HBS1L: variants seen among roughly 807,000 people sequenced by gnomAD.
The protein encoded by HBS1L is HBS1-like protein.
A neutral mutation model predicts 88.9 loss-of-function variants in HBS1L; 55 were observed. The observed-to-expected ratio is 0.62, with a 90% CI of 0.50 to 0.77. The LOEUF (loss-of-function observed/expected upper bound fraction) is 0.77, where lower values mean the gene tolerates loss of function less well. Ranked by LOEUF, HBS1L falls within the 30% of genes least tolerant of loss-of-function variation. The pLI, the probability that HBS1L is intolerant of heterozygous loss-of-function variation, is 0.00. For missense variants in HBS1L, 741 were observed against 829.3 expected, an observed-to-expected ratio of 0.89 and a Z score of 1.31; for synonymous variants, 267 against 288.5, an observed-to-expected ratio of 0.93 and a Z score of 0.76.
rs567472936 is a variant in HBS1L, at chr6:134,985,552, T to C, written c.1424-143A>G. 4.0e-5 allele frequency: 22 copies of C among 546,382 alleles called. No individual in the cohort carries two copies. In the South Asian group the frequency reaches 5.4e-4, roughly 13 times the overall value. 33.8% of individuals were successfully genotyped at this position (546,382 alleles called of 1,614,324 possible). A position where few individuals can be genotyped will look rare whatever the true frequency, so the allele number is the denominator to read the frequency against. On this transcript the variant is annotated intron_variant, in intron 11 of 17. Transcript: ENST00000367837. Reference sequence around the variant, plus strand: ...AATAGCAACTTAACTGTCACTAATATACACATTGAGCATCCCAAATCCAAA... The same window carrying C: ...AATAGCAACTTAACTGTCACTAATACACACATTGAGCATCCCAAATCCAAA...
chr6:135,038,419 T>C (rs961969523), intron 4 of HBS1L, among the ~76,000 whole-genome samples: 1 of 152,160 alleles, frequency 6.6e-6, no homozygotes, highest in East Asian at 1.9e-4. Flanking sequence ...TTTAATGTAT[T>C]AGAAACAAAT....
At chr6:135,044,740 C>T (rs964333721) in intron 2 of HBS1L, among the ~76,000 whole-genome samples, 15 of 152,140 alleles carry the variant, frequency 9.9e-5, no homozygotes, top group Admixed American at 2.6e-4. Flanking sequence ...TATTCAGTTT[C>T]GTCTAAAAGT....
chr6:134,982,825 A>T (rs1365836595), intron 12 of HBS1L: 2 of 246,468 alleles, frequency 8.1e-6, no homozygotes, highest in East Asian at 1.6e-4. Flanking sequence ...AATACGTAGT[A>T]CCAGATATTA....
At chr6:134,998,129 C>T (rs1775343823) in intron 5 of HBS1L, among the ~76,000 whole-genome samples, 2 of 152,174 alleles carry the variant, frequency 1.3e-5, no homozygotes, top group African/African-American at 4.8e-5. Flanking sequence ...CTCTAAATGA[C>T]TACAGTTCAT....
intron 8 of HBS1L, among the ~76,000 whole-genome samples, chr6:134,991,458 C>T (rs1775136228): frequency 6.6e-6 from 1 of 152,124 alleles, no homozygotes; most frequent in Non-Finnish European, 1.5e-5. Flanking sequence ...TCCGTAAATG[C>T]AAAATCCATG....
chr6:135,043,507 A>T (rs902346443), intron 2 of HBS1L, among the ~76,000 whole-genome samples: 2 of 152,244 alleles, frequency 1.3e-5, no homozygotes, highest in African/African-American at 4.8e-5. Context: ...TGTATGTGTA[A>T]CACCTATACT....
chr6:135,005,128 T>A (rs941864993), intron 4 of HBS1L, among the ~76,000 whole-genome samples: 1 of 152,052 alleles, frequency 6.6e-6, no homozygotes, highest in African/African-American at 2.4e-5. Context: ...TAGATAAAAG[T>A]CATTGGTAGA....
chr6:135,044,879 T>C (rs1470838278), intron 2 of HBS1L, among the ~76,000 whole-genome samples: 1 of 152,158 alleles, frequency 6.6e-6, no homozygotes, highest in African/African-American at 2.4e-5. Flanking sequence ...CAGGAAATAC[T>C]GACAGGGAAG....
chr6:135,047,726 AT>A (rs892628472), intron 2 of HBS1L, among the ~76,000 whole-genome samples: 5 of 152,278 alleles, frequency 3.3e-5, no homozygotes, highest in South Asian at 2.1e-4. Context: ...TGTATTAGAG[AT>A]TTTTTTAACT....
chr6:134,985,125 G>A (rs1774941509), intron 12 of HBS1L, among the ~76,000 whole-genome samples: 1 of 151,456 alleles, frequency 6.6e-6, no homozygotes, highest in Non-Finnish European at 1.5e-5. Context: ...CTTGAAAGAT[G>A]AGAAATGGTG....
intron 11 of HBS1L, 35 bp from the exon 12 acceptor site, chr6:134,985,444 TTTAAAA>T (rs1252913073): frequency 1.4e-6 from 2 of 1,403,482 alleles, no homozygotes; most frequent in Non-Finnish European, 2.0e-6. Flanking sequence ...CAAGGTTTAA[TTTAAAA>T]TTAAATTTTT....
chr6:135,007,611 C>T (rs544301480), intron 4 of HBS1L, among the ~76,000 whole-genome samples: 1 of 152,174 alleles, frequency 6.6e-6, no homozygotes, highest in East Asian at 1.9e-4. Context: ...TACAAATTCC[C>T]CCTCATAACT....
intron 4 of HBS1L, among the ~76,000 whole-genome samples, chr6:135,014,490 A>C (rs1272062722): frequency 6.6e-6 from 1 of 152,244 alleles, no homozygotes; most frequent in Non-Finnish European, 1.5e-5. Context: ...AAAGAGACAG[A>C]GAAATTAAGA....
chr6:135,017,164 G>A (rs1321227614), intron 4 of HBS1L, among the ~76,000 whole-genome samples: 1 of 152,128 alleles, frequency 6.6e-6, no homozygotes, highest in East Asian at 1.9e-4. Context: ...TTGGAGACCT[G>A]CCTGAAATCA....
intron 4 of HBS1L, chr6:135,036,757 A>C: frequency 6.4e-7 from 1 of 1,551,360 alleles, no homozygotes; most frequent in Non-Finnish European, 8.7e-7. Context: ...ACGAAGACAC[A>C]GTGTTGAGGC....
chr6:135,048,208 T>C (rs1583162750), intron 2 of HBS1L, among the ~76,000 whole-genome samples: 1 of 152,178 alleles, frequency 6.6e-6, no homozygotes, highest in African/African-American at 2.4e-5. Flanking sequence ...CTTGTTCCAG[T>C]ATCACCCCAG....
intron 15 of HBS1L, among the ~76,000 whole-genome samples, chr6:134,973,982 A>C (rs1472277403): frequency 6.6e-6 from 1 of 152,102 alleles, no homozygotes; most frequent in Non-Finnish European, 1.5e-5. Context: ...AATTCACTTA[A>C]AGTCTAATCC....
chr6:135,002,735 C>G lies in HBS1L; in HGVS notation c.538G>C (p.Gly180Arg), dbSNP rs34860737. 1 of 1,600,466 alleles carries G rather than the reference C, an allele frequency of 6.2e-7. No homozygotes were observed. The highest frequency in any genetic ancestry group is 8.6e-7 in the Non-Finnish European group (1 of 1,167,918). ...KKQTMGFEVP[G>R]VSSEENGHSF... is the part of the protein sequence containing the mutation. ...TGAGGGAGGTACTCAAAGTCTTACC[C>G]AGGCACTTCAAATCCCATAGTTTGC... Residue 180 changes from glycine to arginine, a missense_variant and splice_region_variant, in exon 5 of 18, where the codon GGA becomes CGA. Transcript: ENST00000367837.
In HBS1L at chr6:134,986,138, T is replaced by G; in HGVS notation, c.1351A>C (p.Asn451His). ...FIPTSGLSGE[N>H]LITRSQSSEL... ...CTTGACTGAGATCTTGTGATTAGAT[T>G]TTCACCACTGAGACCACTTGTAGGA... Residue 451 changes from asparagine (N) to histidine (H), a missense_variant, in exon 11 of 18, where the codon AAT becomes CAT. Coordinates refer to ENST00000367837, the MANE Select transcript of HBS1L (RefSeq NM_006620.4). 1 of 1,601,226 alleles carries G rather than the reference T, an allele frequency of 6.2e-7. No homozygotes were observed. The highest frequency in any genetic ancestry group is 8.6e-7 in the Non-Finnish European group (1 of 1,169,134).
Sources: gnomAD v4.1 joint callset for allele counts (sites outside exome capture counted in the v4.1 genomes callset) on GRCh38, gnomAD v4.1.1 for gene constraint, MANE v1.5 for transcripts, NCBI Gene and HGNC (gene_info 2026-07-23, HGNC 2026-07-21) for gene names.